Variants in IFT70A observed in about 807,000 individuals in gnomAD.
IFT70A encodes the protein intraflagellar transport protein 70A.
the IFT70A span, chr2:177,614,593 C>T: frequency 6.6e-6 from 1 of 152,126 alleles, no homozygotes; most frequent in Non-Finnish European, 1.5e-5. Flanking sequence ...CCAAAGTCAC[C>T]TTGATAATCA....
chr2:177,616,838 A>G, the IFT70A span: 179 of 1,599,440 alleles, frequency 1.1e-4, no homozygotes, highest in African/African-American at 1.8e-3. Flanking sequence ...TTTGTGCCAT[A>G]AAGTTCACAG....
At chr2:177,618,413 C>T in the IFT70A span, 2 of 1,612,506 alleles carry the variant, frequency 1.2e-6, no homozygotes, top group Non-Finnish European at 1.7e-6. Context: ...CGAGTGGCCT[C>T]CGGATAAAGG....
At chr2:177,614,461 T>C in the IFT70A span, 1 of 152,176 alleles carries the variant, frequency 6.6e-6, no homozygotes, top group South Asian at 2.1e-4. Flanking sequence ...ATTCTACAAC[T>C]TACATAGATC....
the IFT70A span, chr2:177,616,693 A>G: frequency 1.4e-6 from 2 of 1,459,182 alleles, no homozygotes; most frequent in Non-Finnish European, 1.8e-6. Flanking sequence ...AAAAGCCACT[A>G]TCAGTCATAA....
At chr2:177,618,665 C>T in the IFT70A span, 27 of 1,600,322 alleles carry the variant, frequency 1.7e-5, no homozygotes, top group Non-Finnish European at 2.2e-5. Flanking sequence ...GCGGTAAACT[C>T]CCCGTCGGGG....
chr2:177,613,354 G>T, the IFT70A span: 1 of 152,200 alleles, frequency 6.6e-6, no homozygotes, highest in East Asian at 1.9e-4. Context: ...AAGTGTTGCT[G>T]TTATGGTCTG....
At chr2:177,618,237 A>G in the IFT70A span, 1 of 1,614,070 alleles carries the variant, frequency 6.2e-7, no homozygotes, top group African/African-American at 1.3e-5. Context: ...TGACCTGGCC[A>G]TCGGTCTCAT....
chr2:177,618,149 C>T, the IFT70A span: 1 of 1,614,200 alleles, frequency 6.2e-7, no homozygotes, highest in Non-Finnish European at 8.5e-7. Flanking sequence ...GGCTGGTAGC[C>T]CGAGGCCTGC....
the IFT70A span, chr2:177,613,301 TGTGA>T: frequency 1.3e-5 from 2 of 152,310 alleles, no homozygotes; most frequent in East Asian, 1.9e-4. Context: ...CCTTAGCATA[TGTGA>T]GTATGTGGTA....
At chr2:177,617,939 T>G in the IFT70A span, 4 of 1,614,188 alleles carry the variant, frequency 2.5e-6, no homozygotes, top group Non-Finnish European at 1.7e-6. Flanking sequence ...GCCTTAAGGT[T>G]GAAGGCTTCC....
At chr2:177,616,677 T>A in the IFT70A span, 1 of 1,461,178 alleles carries the variant, frequency 6.8e-7, no homozygotes, top group Non-Finnish European at 9.0e-7. Flanking sequence ...AGAAAGCCAT[T>A]TTGAAAAAAG....
At chr2:177,617,329 T>C in the IFT70A span, 1 of 1,591,538 alleles carries the variant, frequency 6.3e-7, no homozygotes, top group Non-Finnish European at 8.6e-7. Flanking sequence ...CTTCCACACA[T>C]CATGGTCGTT....
At chr2:177,616,614 A>T in the IFT70A span, 6 of 1,200,112 alleles carry the variant, frequency 5.0e-6, no homozygotes, top group Admixed American at 1.1e-4. Context: ...TCAAAATAAG[A>T]CAAATATAAA....
the IFT70A span, chr2:177,618,317 G>A: frequency 1.9e-6 from 3 of 1,614,032 alleles, no homozygotes; most frequent in Non-Finnish European, 2.5e-6. Context: ...GACCCTGGCA[G>A]ATCGCCCTCG....
the IFT70A span, chr2:177,617,531 G>C: frequency 1.2e-6 from 2 of 1,614,174 alleles, no homozygotes; most frequent in Non-Finnish European, 1.7e-6. Flanking sequence ...GTGAGTCTCC[G>C]AAGCTGCTCA....
the IFT70A span, chr2:177,616,667 A>G: frequency 3.4e-6 from 5 of 1,475,272 alleles, no homozygotes; most frequent in Non-Finnish European, 4.5e-6. Flanking sequence ...GTGGTACGTA[A>G]GAAAGCCATT....
chr2:177,618,462 C>G, the IFT70A span: 1 of 1,597,816 alleles, frequency 6.3e-7, no homozygotes, highest in Non-Finnish European at 8.5e-7. Context: ...ACAGGCGGTA[C>G]TGCTCCAGTT....
chr2:177,615,775 G>C, the IFT70A span: 1 of 152,182 alleles, frequency 6.6e-6, no homozygotes, highest in South Asian at 2.1e-4. Context: ...AAATGATTGT[G>C]AAATCCCAAA....
At chr2:177,617,716 A>G in the IFT70A span, 2 of 1,614,208 alleles carry the variant, frequency 1.2e-6, no homozygotes, top group Non-Finnish European at 1.7e-6. Context: ...TTTACAGTAG[A>G]GCAGCAACAG....
Sources: allele counts gnomAD v4.1 joint callset, GRCh38; gene constraint gnomAD v4.1.1; transcripts MANE v1.5; gene names NCBI Gene and HGNC (gene_info 2026-07-23, HGNC 2026-07-21).